The following CAP2 variants were observed in gnomAD, a reference collection of about 807,000 sequenced individuals.
CAP2 encodes adenylyl cyclase-associated protein 2.
Under a neutral mutation model 57.7 loss-of-function variants are expected in CAP2, and 24 were observed. The observed-to-expected ratio is 0.42, with a 90% CI of 0.30 to 0.58. The LOEUF is 0.58. Ranked by LOEUF, CAP2 falls within the 20% of genes least tolerant of loss-of-function variation. CAP2 has a pLI of 0.22. For synonymous variants in CAP2, 194 were observed against 207.2 expected, an observed-to-expected ratio of 0.94 and a Z score of 0.55; for missense variants, 501 against 590.3, an observed-to-expected ratio of 0.85 and a Z score of 1.57.
rs563911748 is a variant in CAP2 at position 17,506,017 on chromosome 6, C to G, written c.301-1152C>G. On this transcript the variant is annotated intron_variant, in intron 4 of 12. Transcript: ENST00000229922. ...TCTAACTCTCCCAGGATTGGAGTCT[C>G]CTGAGTAGCTGGAACTACAGGAGCA... Among the ~76,000 whole-genome samples, 185 of 152,232 alleles carry G rather than the reference C, an allele frequency of 1.2e-3. No homozygotes were observed. The South Asian group carries it at 0.022, about 18-fold the overall frequency.
At chr6:17,441,168 A>G (rs1760063237) in intron 3 of CAP2, among the ~76,000 whole-genome samples, 1 of 151,396 alleles carries the variant, frequency 6.6e-6, no homozygotes, top group Non-Finnish European at 1.5e-5. Context: ...ATTTCTTCAT[A>G]TTGAGTCATT....
Position 17,540,856 on chromosome 6 carries a change from T to C in CAP2, c.827-117T>C. On this transcript the variant is annotated intron_variant, in intron 8 of 12. Coordinates refer to ENST00000229922, the MANE Select transcript of CAP2 (RefSeq NM_006366.3). Reference sequence around the variant, plus strand: ...GACTTGGAGAAAGCACTAGACTGTTTTGAAAGTGGCCTTACCAAAAGTTCT... The same window carrying C: ...GACTTGGAGAAAGCACTAGACTGTTCTGAAAGTGGCCTTACCAAAAGTTCT... The C allele has an allele frequency of 8.6e-6, 8 of 930,718 alleles. 1 individual carries two copies. The South Asian group carries it at 1.2e-4, about 14-fold the overall frequency. 57.7% of individuals were successfully genotyped at this position (930,718 alleles called of 1,614,324 possible). A position where few individuals can be genotyped will look rare whatever the true frequency, so the allele number is the denominator to read the frequency against.
At chr6:17,458,408 C>G (rs549877425) in intron 3 of CAP2, among the ~76,000 whole-genome samples, 3 of 152,050 alleles carry the variant, frequency 2.0e-5, no homozygotes, top group Non-Finnish European at 4.4e-5. Flanking sequence ...TGTAAATAGT[C>G]TACAAATCTT....
chr6:17,518,788 C>T (rs968932153), intron 7 of CAP2, among the ~76,000 whole-genome samples: 2 of 152,170 alleles, frequency 1.3e-5, no homozygotes, highest in Admixed American at 6.5e-5. Flanking sequence ...CAGGCCTGCA[C>T]CACCACACCT....
intron 4 of CAP2, among the ~76,000 whole-genome samples, chr6:17,463,590 G>T (rs1338129013): frequency 6.6e-6 from 1 of 152,182 alleles, no homozygotes; most frequent in African/African-American, 2.4e-5. Flanking sequence ...GGGCTAAATT[G>T]GTGGTTAAGT....
intron 7 of CAP2, among the ~76,000 whole-genome samples, chr6:17,535,749 C>T (rs984376319): frequency 6.6e-6 from 1 of 152,160 alleles, no homozygotes; most frequent in Non-Finnish European, 1.5e-5. Flanking sequence ...TATTTCAGTA[C>T]AGTCCCAGTA....
chr6:17,434,508 C>T (rs1304073513), intron 3 of CAP2, among the ~76,000 whole-genome samples: 5 of 152,116 alleles, frequency 3.3e-5, no homozygotes, highest in Non-Finnish European at 7.4e-5. Context: ...GGATTACAGG[C>T]GTGAGCCACT....
At chr6:17,510,982 T>C (rs1205026788) in intron 6 of CAP2, among the ~76,000 whole-genome samples, 1 of 152,224 alleles carries the variant, frequency 6.6e-6, no homozygotes, top group Non-Finnish European at 1.5e-5. Context: ...GTTGGGCTTT[T>C]CTACATGCTT....
intron 1 of CAP2, among the ~76,000 whole-genome samples, chr6:17,413,857 C>T (rs1759204663): frequency 6.6e-6 from 1 of 152,124 alleles, no homozygotes; most frequent in African/African-American, 2.4e-5. Context: ...AGTTCGAGAC[C>T]ACCCTGGCCA....
intron 4 of CAP2, among the ~76,000 whole-genome samples, chr6:17,484,558 T>A (rs1186534653): frequency 6.6e-6 from 1 of 152,214 alleles, no homozygotes; most frequent in Non-Finnish European, 1.5e-5. Context: ...ACACCTCACT[T>A]TTCATCTCTA....
At chr6:17,504,776 C>A (rs976782645) in intron 4 of CAP2, among the ~76,000 whole-genome samples, 2 of 152,114 alleles carry the variant, frequency 1.3e-5, no homozygotes, top group Non-Finnish European at 2.9e-5. Context: ...ACCAAAATAT[C>A]CATCCTTATT....
At chr6:17,552,197 CTATT>C (rs1763186062) in intron 12 of CAP2, among the ~76,000 whole-genome samples, 2 of 152,236 alleles carry the variant, frequency 1.3e-5, no homozygotes, top group Non-Finnish European at 2.9e-5. Context: ...GACTTGGCCA[CTATT>C]TATTTTCTCA....
chr6:17,530,242 G>A (rs991510337), intron 7 of CAP2, among the ~76,000 whole-genome samples: 2 of 151,836 alleles, frequency 1.3e-5, no homozygotes, highest in Non-Finnish European at 2.9e-5. Flanking sequence ...CACCACACCC[G>A]GCTAATTTTT....
intron 4 of CAP2, among the ~76,000 whole-genome samples, chr6:17,474,462 A>G (rs1474386337): frequency 6.6e-6 from 1 of 152,168 alleles, no homozygotes; most frequent in African/African-American, 2.4e-5. Flanking sequence ...CATCTTACAT[A>G]CTGCAGCCCT....
rs945244361 is a variant in CAP2 at position 17,451,448 on chromosome 6, C to T, written c.223-11548C>T. 5.9e-5 allele frequency among the ~76,000 whole-genome samples: 9 copies of T among 152,236 alleles called. No homozygotes were observed. The East Asian group carries it at 1.7e-3, about 29-fold the overall frequency. On this transcript the variant is annotated intron_variant, in intron 3 of 12. Coordinates refer to ENST00000229922, the MANE Select transcript of CAP2 (RefSeq NM_006366.3). ...CACATGCACTAATGATTCTGTGTTC[C>T]TGTCTTGTTTCCCCTGATTTATATC...
intron 3 of CAP2, among the ~76,000 whole-genome samples, chr6:17,458,185 C>T (rs777755951): frequency 1.3e-5 from 2 of 152,156 alleles, no homozygotes; most frequent in Non-Finnish European, 2.9e-5. Flanking sequence ...ATAATGGCCT[C>T]CAGGGCAGTG....
chr6:17,430,290 G>T (rs995629538), intron 3 of CAP2, among the ~76,000 whole-genome samples: 19 of 152,182 alleles, frequency 1.2e-4, no homozygotes, highest in African/African-American at 4.1e-4. Context: ...AAGCCTTCTT[G>T]TGTGCAGCCT....
intron 4 of CAP2, among the ~76,000 whole-genome samples, chr6:17,500,047 T>C (rs1330207912): frequency 6.6e-6 from 1 of 151,606 alleles, no homozygotes; most frequent in Non-Finnish European, 1.5e-5. Context: ...ACATGAGTGG[T>C]GCTCACTAGG....
intron 8 of CAP2, among the ~76,000 whole-genome samples, 181 bp downstream of exon 8, chr6:17,539,639 G>A (rs1303266131): frequency 1.3e-5 from 2 of 152,154 alleles, no homozygotes; most frequent in Admixed American, 6.6e-5. Context: ...CCATGCAGAC[G>A]GGCTCAGGGG....
Sources: allele counts gnomAD v4.1 joint callset (sites outside exome capture counted in the v4.1 genomes callset), GRCh38; gene constraint gnomAD v4.1.1; transcripts MANE v1.5; gene names NCBI Gene and HGNC (gene_info 2026-07-23, HGNC 2026-07-21).